SMARCAD1: variants seen among roughly 807,000 people sequenced by gnomAD.
SMARCAD1 encodes the protein SWI/SNF-related matrix-associated actin-dependent regulator of chromatin subfamily A containing DEAD/H box 1.
In SMARCAD1, 25 loss-of-function variants were observed where a neutral mutation model predicts 127.1. That is an observed-to-expected ratio of 0.20 (90% CI 0.14 to 0.27). The LOEUF is 0.27. Ranked by LOEUF, SMARCAD1 falls within the 10% of genes least tolerant of loss-of-function variation. The pLI is 1.00. For synonymous variants in SMARCAD1, 400 were observed against 396.9 expected (o/e 1.01, Z -0.09); for missense variants, 807 against 1,206.0 (o/e 0.67, Z 4.90).
At chr4:94,265,581 A>ATG (rs1751622723) in intron 10 of SMARCAD1, among the ~76,000 whole-genome samples, 1 of 151,722 alleles carries the variant, frequency 6.6e-6, no homozygotes, top group Admixed American at 6.6e-5. Context: ...CACATTTTGC[A>ATG]TGTTGTTGGC....
chr4:94,279,145 TAACTACATATTTA>T, intron 19 of SMARCAD1, 95 bp downstream of exon 19: 2 of 1,518,308 alleles, frequency 1.3e-6, no homozygotes, highest in South Asian at 2.3e-5. Flanking sequence ...ACTAAACCTT[TAACTACATATTTA>T]AGAAAAACTT....
intron 10 of SMARCAD1, among the ~76,000 whole-genome samples, chr4:94,269,948 C>T (rs575224362): frequency 3.3e-5 from 5 of 152,088 alleles, no homozygotes; most frequent in African/African-American, 1.2e-4. Flanking sequence ...GCTGGGATTA[C>T]GGGCATGAGC....
chr4:94,264,767 C>G lies in SMARCAD1; in HGVS notation c.1342C>G (p.Leu448Val). ...AGATTTGATATGGCACTGTAAAACA[C>G]TGATCCAAGAAAGAGATGTAGTTAT... ...SEDLIWHCKT[L>V]IQERDVVIRL... The change falls in exon 10 of 24, where the codon CTG (leucine) becomes GTG (valine). Residue 448 changes from leucine (L) to valine (V), a missense_variant. Coordinates refer to ENST00000354268, the MANE Select transcript of SMARCAD1 (RefSeq NM_020159.5). The G allele has an allele frequency of 6.2e-7, 1 of 1,612,572 alleles. No homozygotes were observed.
At chr4:94,242,981 C>CT (rs1747829770) in intron 6 of SMARCAD1, among the ~76,000 whole-genome samples, 1 of 152,118 alleles carries the variant, frequency 6.6e-6, no homozygotes, top group African/African-American at 2.4e-5. Flanking sequence ...TTTCTCTTTT[C>CT]TTTCTTTTCG....
At chr4:94,246,728 G>A (rs191267470) in intron 6 of SMARCAD1, among the ~76,000 whole-genome samples, 97 of 152,292 alleles carry the variant, frequency 6.4e-4, no homozygotes, top group African/African-American at 2.2e-3. Context: ...TGTCAGTATA[G>A]TGGATCAAGT....
Position 94,290,959 on chromosome 4 carries a change from G to C in SMARCAD1, c.*1425G>C. 2 of 451,062 alleles carry C rather than the reference G, an allele frequency of 4.4e-6. No individual in the cohort carries two copies. Among genetic ancestry groups the C allele is most frequent in the South Asian group, 1.6e-5 (1 of 63,094 alleles). 27.9% of individuals were successfully genotyped at this position (451,062 alleles called of 1,614,324 possible). On this transcript the variant is annotated 3_prime_UTR_variant, in exon 24 of 24. Transcript: ENST00000354268. Reference sequence around the variant, plus strand: ...TAGATATTAAAGACTGAGAACTCACGGCTTAACCCCAGTCTTGATGGTATA... The same window carrying C: ...TAGATATTAAAGACTGAGAACTCACCGCTTAACCCCAGTCTTGATGGTATA...
chr4:94,276,602 G>T, intron 15 of SMARCAD1, 128 bp downstream of exon 15: 3 of 1,193,166 alleles, frequency 2.5e-6, no homozygotes, highest in Non-Finnish European at 1.2e-6. Flanking sequence ...GTGTTAGCAA[G>T]TTTTTTCTGT....
At chr4:94,262,739 G>A (rs1392018100) in intron 9 of SMARCAD1, among the ~76,000 whole-genome samples, 5 of 151,912 alleles carry the variant, frequency 3.3e-5, no homozygotes, top group African/African-American at 1.2e-4. Context: ...TAGTCTTTTT[G>A]TGATGAGTGC....
intron 9 of SMARCAD1, among the ~76,000 whole-genome samples, chr4:94,263,866 C>A (rs890394919): frequency 6.6e-6 from 1 of 151,828 alleles, no homozygotes; most frequent in Non-Finnish European, 1.5e-5. Context: ...ACTTTCTCAT[C>A]CTTTCCACTA....
At position 94,252,635 on chromosome 4, in the gene SMARCAD1, A is replaced by G; in HGVS notation, c.909A>G (p.Gln303=). ...AEDQDMQYVS[Q]SEVPNGKEVS... Reference sequence around the variant, plus strand: ...ATACAGATATGCAATATGTATCACAAAGTGAGGTTCCAAATGGAAAAGAAG... The same window carrying G: ...ATACAGATATGCAATATGTATCACAGAGTGAGGTTCCAAATGGAAAAGAAG... The change falls in exon 9 of 24, where the codon CAA becomes CAG. Residue 303 remains glutamine, a synonymous_variant. Transcript: ENST00000354268. 1.3e-6 allele frequency: 2 copies of G among 1,569,050 alleles called. No homozygotes were observed. The highest frequency in any genetic ancestry group is 1.7e-6 in the Non-Finnish European group (2 of 1,161,490).
intron 9 of SMARCAD1, 120 bp from the exon 10 acceptor site, chr4:94,264,587 C>T: frequency 1.3e-6 from 1 of 772,168 alleles, no homozygotes. Flanking sequence ...TAGTAGTTGA[C>T]TATAAGCTCA....
chr4:94,254,885 A>G (rs1749816661), intron 9 of SMARCAD1, among the ~76,000 whole-genome samples: 1 of 152,090 alleles, frequency 6.6e-6, no homozygotes, highest in Non-Finnish European at 1.5e-5. Flanking sequence ...AGAATTTTAA[A>G]TGTGATTTAT....
chr4:94,233,790 A>G (rs543367385), intron 3 of SMARCAD1, among the ~76,000 whole-genome samples, 164 bp from the exon 4 acceptor site: 2 of 152,250 alleles, frequency 1.3e-5, no homozygotes, highest in East Asian at 1.9e-4. Context: ...TCACATAACT[A>G]CACTGAAATG....
In SMARCAD1 at chr4:94,291,220, A is replaced by G. The variant is rs1425949640; in HGVS notation, c.*1686A>G. On this transcript the variant is annotated 3_prime_UTR_variant, in exon 24 of 24. Coordinates refer to ENST00000354268, the MANE Select transcript of SMARCAD1 (RefSeq NM_020159.5). ...TGTTATATCCATACTTTTATCTCTA[A>G]TGAAATGTAGTTGGGTTCTTCCTGT... The G allele has an allele frequency of 2.2e-6, 1 of 453,928 alleles. No homozygotes were observed. The allele number at this position is 453,928 out of a possible 1,614,324, so 28.1% of individuals were successfully genotyped here.
chr4:94,213,150 A>G, intron 2 of SMARCAD1: 1 of 1,259,974 alleles, frequency 7.9e-7, no homozygotes, highest in Non-Finnish European at 1.0e-6. Flanking sequence ...CCAGGAGAAA[A>G]TGGTATGTAA....
At chr4:94,237,568 A>T (rs148440243) in intron 5 of SMARCAD1, among the ~76,000 whole-genome samples, 1 of 151,988 alleles carries the variant, frequency 6.6e-6, no homozygotes, top group Non-Finnish European at 1.5e-5. Flanking sequence ...AAGCAAACCC[A>T]CACTTCATTA....
intron 10 of SMARCAD1, among the ~76,000 whole-genome samples, chr4:94,269,818 G>A (rs1752283815): frequency 6.6e-6 from 1 of 151,846 alleles, no homozygotes; most frequent in Non-Finnish European, 1.5e-5. Context: ...ACAAGCATAC[G>A]TCACCATGCC....
chr4:94,270,666 TA>T (rs1752426529), intron 10 of SMARCAD1, 61 bp from the exon 11 acceptor site: 2 of 1,418,872 alleles, frequency 1.4e-6, no homozygotes, highest in African/African-American at 2.8e-5. Flanking sequence ...TGCATTGTAA[TA>T]ACTAATAGAA....
intron 3 of SMARCAD1, among the ~76,000 whole-genome samples, chr4:94,232,995 A>C (rs1746082828): frequency 6.6e-6 from 1 of 152,166 alleles, no homozygotes; most frequent in African/African-American, 2.4e-5. Context: ...AAGAAAAAAC[A>C]CACATATTCT....
Sources: allele counts gnomAD v4.1 joint callset (sites outside exome capture counted in the v4.1 genomes callset), GRCh38; gene constraint gnomAD v4.1.1; transcripts MANE v1.5; gene names NCBI Gene and HGNC (gene_info 2026-07-23, HGNC 2026-07-21).